BCOR: variants seen among roughly 807,000 people sequenced by gnomAD.
BCOR encodes BCL-6 corepressor.
BCOR carries 10 observed loss-of-function variants against 86.7 expected under a neutral mutation model. The observed-to-expected ratio is 0.12, with a 90% CI of 0.07 to 0.20. The LOEUF (loss-of-function observed/expected upper bound fraction) is 0.20. Ranked by LOEUF, BCOR falls within the 10% of genes least tolerant of loss-of-function variation. BCOR has a pLI of 1.00. For synonymous variants in BCOR, 611 were observed against 609.0 expected (o/e 1.00, Z -0.05); for missense variants, 1,259 against 1,452.1 (o/e 0.87, Z 2.16).
chrX:40,087,019 G>C (rs1331180174), intron 1 of BCOR, among the ~76,000 whole-genome samples: 1 of 113,625 alleles, frequency 8.8e-6, no homozygotes, highest in Non-Finnish European at 1.9e-5. Context: ...CTCTCCGAGA[G>C]TTTACTCCTT....
chrX:40,055,737 G>A (rs972998346), intron 11 of BCOR, among the ~76,000 whole-genome samples: 4 of 102,713 alleles, frequency 3.9e-5, no homozygotes, highest in Non-Finnish European at 7.8e-5. Flanking sequence ...ATGAATCACT[G>A]TTATTTTGAT....
chrX:40,051,884 T>A lies in BCOR; in HGVS notation c.*225A>T. On this transcript the variant is annotated 3_prime_UTR_variant, in exon 15 of 15. Coordinates refer to ENST00000378444, the MANE Select transcript of BCOR (RefSeq NM_001123385.2). ...AAACGTATCCCAAAGCATGTGTGCA[T>A]TGAAAAGTAAAGAAACATTATAACA... 3.2e-6 allele frequency: 1 copy of A among 311,024 alleles called. No homozygotes were observed. 25.6% of individuals were successfully genotyped at this position (311,024 alleles called of 1,213,427 possible). A position where few individuals can be genotyped will look rare whatever the true frequency, so the allele number is the denominator to read the frequency against.
rs910528170 is a variant in BCOR at position 40,097,418 on chromosome X, T to A, written c.-244A>T. 9.4e-6 allele frequency: 1 copy of A among 106,938 alleles called. No individual in the cohort carries two copies. The highest frequency in any genetic ancestry group is 3.1e-4 in the East Asian group (1 of 3,196). 8.8% of individuals were successfully genotyped at this position (106,938 alleles called of 1,213,427 possible). On this transcript the variant is annotated 5_prime_UTR_variant, in exon 1 of 15. Transcript: ENST00000378444. ...GCGCGGCGAGCAGCAAAGTTTGCGG[T>A]CCCCGGCTGCCCGCAGCCCGCTCGC...
intron 1 of BCOR, among the ~76,000 whole-genome samples, chrX:40,126,977 A>T (rs1937551942): frequency 8.9e-6 from 1 of 112,364 alleles, no homozygotes; most frequent in African/African-American, 3.2e-5. Context: ...CCCTGCTGAC[A>T]ACTTGTTCTT....
chrX:40,160,537 G>A, intron 1 of BCOR, among the ~76,000 whole-genome samples: 1 of 103,601 alleles, frequency 9.7e-6, no homozygotes, highest in South Asian at 4.1e-4. Flanking sequence ...AAAAAAATCA[G>A]TCAATCAATA....
rs147089093 is a variant in BCOR, at chrX:40,065,434, A to G, written c.3239-835T>C. On this transcript the variant is annotated intron_variant, in intron 6 of 14. Coordinates refer to ENST00000378444, the MANE Select transcript of BCOR (RefSeq NM_001123385.2). Reference sequence around the variant, plus strand: ...GCCACCCCAGCTGACACTCCTCTTCACACCCTCTGTCACAGGCAAGCATCG... The same window carrying G: ...GCCACCCCAGCTGACACTCCTCTTCGCACCCTCTGTCACAGGCAAGCATCG... Among the ~76,000 whole-genome samples the G allele has an allele frequency of 7.7e-3, 868 of 112,469 alleles. 9 individuals carry two copies. Among genetic ancestry groups the G allele is most frequent in the African/African-American group, 0.027 (832 of 30,976 alleles).
chrX:40,169,790 G>C (rs1219478601), intron 1 of BCOR, among the ~76,000 whole-genome samples: 2 of 111,458 alleles, frequency 1.8e-5, no homozygotes. Flanking sequence ...ACTGCTGGGC[G>C]AGGGAGGCCT....
intron 6 of BCOR, among the ~76,000 whole-genome samples, chrX:40,070,000 G>A (rs1935393019): frequency 8.9e-6 from 1 of 111,784 alleles, no homozygotes; most frequent in African/African-American, 3.3e-5. Flanking sequence ...TGGAGGGAGG[G>A]GTGTGCGCTC....
rs1338577281 is a variant in BCOR, at chrX:40,063,056, G to C, written c.3863C>G (p.Ser1288Cys). ...AAGACTCTTCATGGGCGGAGAGCCG[G>C]AGAACACAGGCAAGCCTAAATACGG... ...SDNEQGLPVF[S>C]GSPPMKSLSS... The change falls in exon 9 of 15, where the codon TCC becomes TGC. Residue 1288 changes from serine (S) to cysteine (C), a missense_variant. This residue lies in a region of BCOR where 305 missense variants were observed against 286.1 expected (regional missense o/e 1.07). Coordinates refer to ENST00000378444, the MANE Select transcript of BCOR (RefSeq NM_001123385.2). The C allele has an allele frequency of 1.9e-6, 2 of 1,070,866 alleles. No individual in the cohort carries two copies. The highest frequency in any genetic ancestry group is 4.3e-5 in the African/African-American group (2 of 46,370). 88.3% of individuals were successfully genotyped at this position (1,070,866 alleles called of 1,213,427 possible).
chrX:40,119,084 T>C (rs777108839), intron 1 of BCOR, among the ~76,000 whole-genome samples: 29 of 111,787 alleles, frequency 2.6e-4, no homozygotes, highest in Non-Finnish European at 5.1e-4. Context: ...CTGCCCACCT[T>C]GGCCTCCCGA....
At chrX:40,105,954 C>T (rs1388541557) in intron 1 of BCOR, among the ~76,000 whole-genome samples, 3 of 112,853 alleles carry the variant, frequency 2.7e-5, no homozygotes, top group African/African-American at 9.7e-5. Flanking sequence ...CTCTCCAAAC[C>T]AGACACACTC....
chrX:40,075,110 C>T lies in BCOR; in HGVS notation c.236G>A (p.Arg79Gln), dbSNP rs746635655. The change falls in exon 4 of 15, where the codon CGG (arginine) becomes CAG (glutamine). Residue 79 changes from arginine to glutamine, a missense_variant. Arg to Gln is a conservative substitution (Grantham distance 43). This residue lies in a region of BCOR where 174 missense variants were observed against 189.3 expected (regional missense o/e 0.92). Transcript: ENST00000378444. ...GTTTCCCGGGACCCGCAGCCCTTCC[C>T]GGATCAGGCCAGTGCGGTCCATGCT... ...ALSMDRTGLI[R>Q]EGLRVPGNIV... 5 of 1,207,319 alleles carry T rather than the reference C, an allele frequency of 4.1e-6. No individual in the cohort carries two copies. Among genetic ancestry groups the T allele is most frequent in the South Asian group, 1.8e-5 (1 of 56,493 alleles).
intron 1 of BCOR, among the ~76,000 whole-genome samples, chrX:40,139,261 G>T (rs1394709157): frequency 1.0e-5 from 1 of 98,826 alleles, no homozygotes; most frequent in African/African-American, 3.6e-5. Context: ...TAGGCGTGTT[G>T]AATAAATATA....
rs779486205 is a variant in BCOR, at chrX:40,124,385, G to A, written c.-40-46416C>T. Among the ~76,000 whole-genome samples, 85 of 104,740 alleles carry A rather than the reference G, an allele frequency of 8.1e-4. 1 individual carries two copies. The highest frequency in any genetic ancestry group is 2.7e-3 in the African/African-American group (76 of 28,398). The allele number at this position is 104,740 out of a possible 115,157, so 91.0% of individuals were successfully genotyped here. ...CCTCCTGGGCTCAAGCAATCCTCCC[G>A]CCTCAGCCTCCCAAGTAGCTGAGAC... On this transcript the variant is annotated intron_variant, in intron 1 of 14. Coordinates refer to the BCOR transcript ENST00000342274.
chrX:40,092,819 A>G (rs1936680771), intron 1 of BCOR, among the ~76,000 whole-genome samples: 1 of 112,253 alleles, frequency 8.9e-6, no homozygotes, highest in South Asian at 3.7e-4. Flanking sequence ...CGTGGCCCTC[A>G]GTTTCCTTCA....
chrX:40,168,977 G>T (rs1938564250), intron 1 of BCOR, among the ~76,000 whole-genome samples: 1 of 112,579 alleles, frequency 8.9e-6, no homozygotes, highest in Non-Finnish European at 1.9e-5. Context: ...CAGCGGCCTG[G>T]GGGCTCTGGG....
At chrX:40,083,572 CGAA>C (rs896565697) in intron 1 of BCOR, among the ~76,000 whole-genome samples, 11 of 111,578 alleles carry the variant, frequency 9.9e-5, no homozygotes, top group Admixed American at 7.4e-4. Context: ...TTGGCCCCGG[CGAA>C]GAAGAAAGGG....
rs1375926270 is a variant in BCOR, at chrX:40,075,021, G to T, written c.325C>A (p.Leu109Ile). ...EKGREAATST[L>I]GGLGFSSERN... Reference sequence around the variant, plus strand: ...TCCGAAGAAAACCCAAGGCCACCTAGAGTGCTTGTGGCAGCCTCCCGACCT... The same window carrying T: ...TCCGAAGAAAACCCAAGGCCACCTATAGTGCTTGTGGCAGCCTCCCGACCT... Residue 109 changes from leucine (L) to isoleucine (I), a missense_variant, in exon 4 of 15, where the codon CTA becomes ATA. This residue lies in a region of BCOR where 174 missense variants were observed against 189.3 expected (regional missense o/e 0.92). Coordinates refer to ENST00000378444, the MANE Select transcript of BCOR (RefSeq NM_001123385.2). The T allele has an allele frequency of 5.8e-6, 7 of 1,206,940 alleles. No individual in the cohort carries two copies. Among genetic ancestry groups the T allele is most frequent in the Non-Finnish European group, 7.8e-6 (7 of 892,675 alleles).
At chrX:40,077,366 A>G (rs1393817928) in intron 2 of BCOR, 1 of 143,532 alleles carries the variant, frequency 7.0e-6, no homozygotes, top group Non-Finnish European at 1.4e-5. Context: ...ATTAGGAAGC[A>G]TAACAGAGCT....
Sources: gnomAD v4.1 joint callset for allele counts (sites outside exome capture counted in the v4.1 genomes callset) on GRCh38, gnomAD v4.1.1 for gene constraint, gnomAD v4.1.1 regional missense constraint, MANE v1.5 for transcripts, NCBI Gene and HGNC (gene_info 2026-07-23, HGNC 2026-07-21) for gene names.